The following ALG8 variants were observed in gnomAD, a reference collection of about 807,000 sequenced individuals.
ALG8 encodes the protein ALG8 alpha-1,3-glucosyltransferase.
ALG8 carries 48 observed loss-of-function variants against 70.2 expected under a neutral mutation model. The observed-to-expected ratio is 0.68, with a 90% CI of 0.54 to 0.87. The LOEUF (loss-of-function observed/expected upper bound fraction) is 0.87. Among genes scored for constraint, ALG8 ranks in the 40% least tolerant of loss-of-function variants. The pLI is 0.00. For missense variants in ALG8, 572 were observed against 608.7 expected, an observed-to-expected ratio of 0.94 and a Z score of 0.64; for synonymous variants, 234 against 229.0, an observed-to-expected ratio of 1.02 and a Z score of -0.20.
chr11:78,106,725 T>C (rs1034748777), intron 10 of ALG8, 82 bp downstream of exon 10: 8 of 1,584,224 alleles, frequency 5.0e-6, no homozygotes, highest in Non-Finnish European at 6.9e-6. Context: ...CTGGTGAACA[T>C]GACAAGAAGG....
chr11:78,123,956 A>G (rs1042420686), intron 3 of ALG8, 65 bp downstream of exon 3: 2 of 1,557,984 alleles, frequency 1.3e-6, no homozygotes. Context: ...GAGTAAGTTA[A>G]TACTACTTAA....
intron 12 of ALG8, among the ~76,000 whole-genome samples, chr11:78,103,647 A>C (rs1424511014): frequency 2.6e-5 from 4 of 152,178 alleles, no homozygotes; most frequent in Non-Finnish European, 4.4e-5. Context: ...GAACAAAAAA[A>C]ATTTGTACAT....
chr11:78,125,746 C>T (rs1268372906), intron 2 of ALG8, among the ~76,000 whole-genome samples: 3 of 151,788 alleles, frequency 2.0e-5, no homozygotes, highest in Non-Finnish European at 4.4e-5. Context: ...AGGCAGAGGT[C>T]GCCAGTCAGC....
intron 1 of ALG8, among the ~76,000 whole-genome samples, chr11:78,132,915 C>G (rs970108106): frequency 1.3e-5 from 2 of 148,764 alleles, no homozygotes; most frequent in South Asian, 4.3e-4. Flanking sequence ...CGGCTCACTG[C>G]AAGCTCCGCC....
chr11:78,125,903 T>A (rs1437305256), intron 2 of ALG8, among the ~76,000 whole-genome samples: 1 of 152,206 alleles, frequency 6.6e-6, no homozygotes, highest in Non-Finnish European at 1.5e-5. Context: ...CTCACGCCTG[T>A]AATCCCAGCA....
chr11:78,119,426 T>A lies in ALG8; in HGVS notation c.479-177A>T, dbSNP rs561553824. On this transcript the variant is annotated intron_variant, in intron 4 of 12. Coordinates refer to ENST00000299626, the MANE Select transcript of ALG8 (RefSeq NM_024079.5). ...TATAAACAGATTCAAATTTTTTTTTTAATTTTTTTTTTTTTTTTTTGAGAT... is the reference window on the plus strand; with the variant it reads ...TATAAACAGATTCAAATTTTTTTTTAAATTTTTTTTTTTTTTTTTTGAGAT... Among the ~76,000 whole-genome samples, 32 of 96,882 alleles carry A rather than the reference T, an allele frequency of 3.3e-4. No individual in the cohort carries two copies. The South Asian group carries it at 6.7e-3, about 20-fold the overall frequency. The allele number at this position is 96,882 out of a possible 152,430, so 63.6% of individuals were successfully genotyped here.
intron 10 of ALG8, among the ~76,000 whole-genome samples, chr11:78,106,454 C>T (rs1314025552): frequency 1.3e-5 from 2 of 152,198 alleles, no homozygotes; most frequent in East Asian, 1.9e-4. Flanking sequence ...GCCTTGGCCT[C>T]CCTAAGTGCT....
intron 2 of ALG8, among the ~76,000 whole-genome samples, chr11:78,124,976 T>C (rs1002555667): frequency 3.3e-5 from 5 of 151,832 alleles, no homozygotes; most frequent in African/African-American, 1.2e-4. Flanking sequence ...ACAGAAATCA[T>C]ATGAAAATAT....
intron 1 of ALG8, among the ~76,000 whole-genome samples, chr11:78,132,877 A>C (rs7127520): frequency 0.23 from 31,611 of 138,044 alleles, 4,222 homozygotes; most frequent in African/African-American, 0.4. Context: ...CACTCTGTCG[A>C]CCAGGTTGGA....
intron 1 of ALG8, 170 bp downstream of exon 1, chr11:78,139,324 G>A: frequency 1.4e-6 from 1 of 693,094 alleles, no homozygotes; most frequent in Non-Finnish European, 2.5e-6. Flanking sequence ...TAGCCAGCTG[G>A]GGCTAAGTCA....
At chr11:78,121,578 T>C (rs1405604173) in intron 3 of ALG8, among the ~76,000 whole-genome samples, 1 of 144,324 alleles carries the variant, frequency 6.9e-6, no homozygotes, top group Non-Finnish European at 1.5e-5. Context: ...AAAGAAAAAA[T>C]GGTAGCACAA....
intron 10 of ALG8, 121 bp downstream of exon 10, chr11:78,106,686 G>C (rs981586005): frequency 8.9e-5 from 117 of 1,320,412 alleles, no homozygotes; most frequent in Non-Finnish European, 9.2e-5. Context: ...GTGGACATCT[G>C]TTCCTATACA....
chr11:78,128,612 CTTTTTTT>C (rs369506357), intron 1 of ALG8, among the ~76,000 whole-genome samples: 1 of 137,906 alleles, frequency 7.3e-6, no homozygotes, highest in African/African-American at 2.8e-5. Context: ...TCCCAAATTA[CTTTTTTT>C]TTTTTTTTTG....
At chr11:78,136,193 T>C (rs1322737545) in intron 1 of ALG8, among the ~76,000 whole-genome samples, 1 of 151,308 alleles carries the variant, frequency 6.6e-6, no homozygotes, top group African/African-American at 2.4e-5. Context: ...GGAAAAATAT[T>C]GACCAGTGAG....
At chr11:78,134,759 T>C (rs1398071156) in intron 1 of ALG8, among the ~76,000 whole-genome samples, 1 of 152,242 alleles carries the variant, frequency 6.6e-6, no homozygotes, top group Non-Finnish European at 1.5e-5. Context: ...TATCATGAGA[T>C]ATCATGCAGC....
At chr11:78,127,133 C>G (rs1861115080) in intron 2 of ALG8, among the ~76,000 whole-genome samples, 1 of 152,026 alleles carries the variant, frequency 6.6e-6, no homozygotes, top group South Asian at 2.1e-4. Context: ...TGCCCACCAC[C>G]ACACCCAGCT....
chr11:78,136,344 TAGATAG>T (rs1290173710), intron 1 of ALG8, among the ~76,000 whole-genome samples: 1 of 149,518 alleles, frequency 6.7e-6, no homozygotes, highest in Non-Finnish European at 1.5e-5. Context: ...CACACACATA[TAGATAG>T]ATAGACAGAC....
chr11:78,110,271 G>A (rs1860225753), intron 8 of ALG8, among the ~76,000 whole-genome samples: 1 of 151,956 alleles, frequency 6.6e-6, no homozygotes, highest in African/African-American at 2.4e-5. Context: ...TGCAGCCTCT[G>A]CCTCCCAGGT....
intron 5 of ALG8, among the ~76,000 whole-genome samples, chr11:78,118,615 CAAAAAAA>C (rs60253317): frequency 1.1e-5 from 1 of 88,124 alleles, no homozygotes; most frequent in African/African-American, 4.3e-5. Context: ...GACTCATTCT[CAAAAAAA>C]AAAAAAAAAA....
Sources: gnomAD v4.1 joint callset for allele counts (sites outside exome capture counted in the v4.1 genomes callset) on GRCh38, gnomAD v4.1.1 for gene constraint, MANE v1.5 for transcripts, NCBI Gene and HGNC (gene_info 2026-07-23, HGNC 2026-07-21) for gene names.